ACOT12: variants seen among roughly 807,000 people sequenced by gnomAD.
ACOT12 encodes the protein acetyl-coenzyme A thioesterase.
A neutral mutation model predicts 67.7 loss-of-function variants in ACOT12; 51 were observed. The observed-to-expected ratio is 0.75, with a 90% CI of 0.60 to 0.95. The LOEUF (loss-of-function observed/expected upper bound fraction) is 0.95, where lower values mean the gene tolerates loss of function less well. Ranked by LOEUF, ACOT12 falls within the 40% of genes least tolerant of loss-of-function variation. The pLI, the probability that ACOT12 is intolerant of heterozygous loss-of-function variation, is 0.00. For synonymous variants in ACOT12, 251 were observed against 244.6 expected, an observed-to-expected ratio of 1.03 and a Z score of -0.24; for missense variants, 734 against 708.1, an observed-to-expected ratio of 1.04 and a Z score of -0.41.
the ACOT12 span, among the ~76,000 whole-genome samples, chr5:81,310,775 A>G: frequency 6.6e-6 from 1 of 152,194 alleles, no homozygotes; most frequent in Admixed American, 6.5e-5. Flanking sequence ...TGTACAGTAG[A>G]ACAGTAGTTT....
At position 81,330,560 on chromosome 5, in the gene ACOT12, G is replaced by A. The variant is rs73768070; in HGVS notation, c.1519-17C>T. The stretch of plus-strand genomic sequence containing the variant: ...GTAAGATACCTGTTTCAAAAAGAAA[G>A]TACAATATTTTAATTTCTTATTGAC... On this transcript the variant is annotated splice_polypyrimidine_tract_variant and intron_variant, in intron 14 of 14. Transcript: ENST00000307624. 16 of 1,610,706 alleles carry A rather than the reference G, an allele frequency of 9.9e-6. No homozygotes were observed. In the African/African-American group the frequency reaches 1.9e-4, roughly 19 times the overall value.
intron 4 of ACOT12, among the ~76,000 whole-genome samples, chr5:81,363,235 T>G (rs879737586): frequency 6.6e-6 from 1 of 151,918 alleles, no homozygotes; most frequent in African/African-American, 2.4e-5. Flanking sequence ...ATCTGGATCG[T>G]GTCCAGGCAG....
the ACOT12 span, among the ~76,000 whole-genome samples, chr5:81,320,374 C>T: frequency 2.5e-4 from 38 of 152,258 alleles, no homozygotes; most frequent in African/African-American, 8.2e-4. Flanking sequence ...ATACCCTCAA[C>T]GTAAGAGTGA....
intron 12 of ACOT12, 115 bp from the exon 13 acceptor site, chr5:81,332,720 C>T (rs1758869594): frequency 1.6e-6 from 2 of 1,240,182 alleles, no homozygotes; most frequent in South Asian, 2.8e-5. Context: ...CTTCAGCTCA[C>T]CTAATCATCT....
intron 3 of ACOT12, 103 bp downstream of exon 3, chr5:81,371,647 A>T: frequency 8.8e-7 from 1 of 1,130,694 alleles, no homozygotes; most frequent in Non-Finnish European, 1.3e-6. Flanking sequence ...GAAATAGAGA[A>T]TCTCACTAAC....
chr5:81,344,011 C>G (rs1214553765), intron 9 of ACOT12, 130 bp from the exon 10 acceptor site: 2 of 1,212,822 alleles, frequency 1.6e-6, no homozygotes, highest in Non-Finnish European at 2.4e-6. Flanking sequence ...AGAACTATTT[C>G]CATAAGTCAG....
the ACOT12 span, among the ~76,000 whole-genome samples, chr5:81,314,559 G>C: frequency 2.0e-5 from 3 of 152,162 alleles, no homozygotes. Flanking sequence ...TCATTAAAAG[G>C]AACTATAGAC....
At chr5:81,342,814 T>C (rs367626073) in intron 10 of ACOT12, 59 bp from the exon 11 acceptor site, 4 of 1,555,364 alleles carry the variant, frequency 2.6e-6, no homozygotes, top group African/African-American at 1.4e-5. Context: ...TGTGTGATCA[T>C]ATATTTTCTG....
intron 5 of ACOT12, among the ~76,000 whole-genome samples, chr5:81,358,755 A>G (rs1759804090): frequency 6.6e-6 from 1 of 152,144 alleles, no homozygotes; most frequent in South Asian, 2.1e-4. Flanking sequence ...AGGCTGAGGC[A>G]GGAGAATTGC....
rs1758797128 is a variant in ACOT12 at position 81,330,880 on chromosome 5, C to T, written c.1452G>A (p.Gln484=). The T allele has an allele frequency of 6.2e-7, 1 of 1,613,934 alleles. No homozygotes were observed. The highest frequency in any genetic ancestry group is 8.5e-7 in the Non-Finnish European group (1 of 1,179,882). Residue 484 remains glutamine (Q), a synonymous_variant, in exon 14 of 15, where the codon CAG becomes CAA. Coordinates refer to ENST00000307624, the MANE Select transcript of ACOT12 (RefSeq NM_130767.3). ...CACATATGATTTCACTTCTGATGTACTGTGGAGACGGGGGGACCGATGGCA... is the reference window on the plus strand; with the variant it reads ...CACATATGATTTCACTTCTGATGTATTGTGGAGACGGGGGGACCGATGGCA... ...VILPSVPPSP[Q]YIRSEIICAG... is the part of the protein sequence containing the mutation.
chr5:81,338,602 T>A (rs1472361774), intron 11 of ACOT12, among the ~76,000 whole-genome samples: 2 of 152,198 alleles, frequency 1.3e-5, no homozygotes, highest in Non-Finnish European at 2.9e-5. Flanking sequence ...CTCAGGTAGT[T>A]CTTTATAGCA....
intron 3 of ACOT12, among the ~76,000 whole-genome samples, chr5:81,364,630 T>C (rs1426170143): frequency 6.6e-6 from 1 of 152,126 alleles, no homozygotes; most frequent in Non-Finnish European, 1.5e-5. Context: ...GATTTCACCA[T>C]GTTGGCCAGG....
At chr5:81,384,825 G>C (rs1561352979) in intron 2 of ACOT12, among the ~76,000 whole-genome samples, 1 of 152,176 alleles carries the variant, frequency 6.6e-6, no homozygotes, top group Non-Finnish European at 1.5e-5. Context: ...GATAAAGCAA[G>C]AGTGTCTGTG....
intron 1 of ACOT12, among the ~76,000 whole-genome samples, chr5:81,391,051 C>A (rs79209735): frequency 6.6e-6 from 1 of 152,176 alleles, no homozygotes; most frequent in African/African-American, 2.4e-5. Flanking sequence ...AAGCAGTTAA[C>A]CTGACCAAAC....
intron 1 of ACOT12, among the ~76,000 whole-genome samples, chr5:81,392,241 G>GA (rs946663380): frequency 3.4e-4 from 52 of 152,252 alleles, no homozygotes; most frequent in Non-Finnish European, 2.1e-4. Flanking sequence ...AAAACTCTGA[G>GA]AAAATCCCAG....
chr5:81,370,395 A>G lies in ACOT12; in HGVS notation c.258+1355T>C, dbSNP rs138458962. On this transcript the variant is annotated intron_variant, in intron 3 of 14. Transcript: ENST00000307624. ...ACTGTGTTCCCCCTTCCAAATTCTT[A>G]TGTCCTAACCCCCAGTACCTTAGAA... Among the ~76,000 whole-genome samples the G allele has an allele frequency of 4.9e-3, 752 of 152,354 alleles. 6 individuals are homozygous for G. Among genetic ancestry groups the G allele is most frequent in the Admixed American group, 0.015 (223 of 15,308 alleles).
At position 81,347,805 on chromosome 5, in the gene ACOT12, A is replaced by T. The variant is rs1365534644; in HGVS notation, c.622T>A (p.Trp208Arg). The T allele has an allele frequency of 6.2e-7, 1 of 1,614,038 alleles. No homozygotes were observed. The highest frequency in any genetic ancestry group is 8.5e-7 in the Non-Finnish European group (1 of 1,180,032). The change falls in exon 6 of 15, where the codon TGG becomes AGG. Residue 208 changes from tryptophan (W) to arginine (R), a missense_variant. Coordinates refer to ENST00000307624, the MANE Select transcript of ACOT12 (RefSeq NM_130767.3). Reference protein sequence around the residue: ...GNTFGGQIMAWMETVATISAS... With the variant: ...GNTFGGQIMARMETVATISAS... Reference sequence around the variant, plus strand: ...GAAATAGTAGCCACTGTCTCCATCCACGCCATAATCTGGCCACCAAATGTA... The same window carrying T: ...GAAATAGTAGCCACTGTCTCCATCCTCGCCATAATCTGGCCACCAAATGTA...
At chr5:81,369,413 A>C (rs192537384) in intron 3 of ACOT12, among the ~76,000 whole-genome samples, 2 of 152,374 alleles carry the variant, frequency 1.3e-5, no homozygotes, top group African/African-American at 4.8e-5. Flanking sequence ...GGAAACTGAA[A>C]TTGAACAGGA....
chr5:81,322,468 C>CAACAA, the ACOT12 span, among the ~76,000 whole-genome samples: 1 of 146,600 alleles, frequency 6.8e-6, no homozygotes, highest in African/African-American at 2.5e-5. Flanking sequence ...AAAAAATAAA[C>CAACAA]AAAAAAAAAA....
Sources: gnomAD v4.1 joint callset for allele counts (sites outside exome capture counted in the v4.1 genomes callset) on GRCh38, gnomAD v4.1.1 for gene constraint, MANE v1.5 for transcripts, NCBI Gene and HGNC (gene_info 2026-07-23, HGNC 2026-07-21) for gene names.